The following SYT7 variants were observed in gnomAD, a reference collection of about 807,000 sequenced individuals.
The protein encoded by SYT7 is synaptotagmin 7.
Under a neutral mutation model 75.1 loss-of-function variants are expected in SYT7, and 29 were observed. The ratio of observed to expected loss-of-function variants is 0.39; its 90% CI spans 0.29 to 0.53. The LOEUF (loss-of-function observed/expected upper bound fraction) is 0.53. Among genes scored for constraint, SYT7 ranks in the 20% least tolerant of loss-of-function variants. The pLI, the probability that SYT7 is intolerant of heterozygous loss-of-function variation, is 0.77. For missense variants in SYT7, 693 were observed against 953.2 expected (o/e 0.73, Z 3.59); for synonymous variants, 376 against 401.7 (o/e 0.94, Z 0.76).
intron 2 of SYT7, among the ~76,000 whole-genome samples, chr11:61,554,301 C>A (rs1590912446): frequency 6.6e-6 from 1 of 152,194 alleles, no homozygotes; most frequent in East Asian, 1.9e-4. Context: ...CACACCCACA[C>A]CCACACCCAC....
intron 12 of SYT7, among the ~76,000 whole-genome samples, chr11:61,521,804 C>T (rs1194089688): frequency 6.6e-6 from 1 of 152,226 alleles, no homozygotes; most frequent in Non-Finnish European, 1.5e-5. Flanking sequence ...TCACATACTC[C>T]TGGTCAAACT....
intron 3 of SYT7, among the ~76,000 whole-genome samples, chr11:61,550,034 C>T (rs1053207086): frequency 1.1e-4 from 16 of 152,340 alleles, no homozygotes; most frequent in Admixed American, 3.3e-4. Flanking sequence ...CGCTCCCCCA[C>T]GTGCTCCCTC....
rs762994348 is a variant in SYT7 at position 61,527,903 on chromosome 11, C to A, written c.1471+12G>T. ...AGGTGACCATGGCGGGGGAAGGTGG[C>A]ACTAGACTCACCTTCAAAGAGGAAG... On this transcript the variant is annotated intron_variant, in intron 9 of 12. Coordinates refer to ENST00000539008, the MANE Select transcript of SYT7 (RefSeq NM_001365809.2). 1 of 1,612,612 alleles carries A rather than the reference C, an allele frequency of 6.2e-7. No individual in the cohort carries two copies.
upstream of SYT7, among the ~76,000 whole-genome samples, chr11:61,581,389 C>A (rs1237504286): frequency 2.0e-5 from 3 of 152,012 alleles, no homozygotes; most frequent in African/African-American, 7.2e-5. Context: ...ACCCCCAGCC[C>A]GTGCTCCCCC....
rs1397563171 is a variant in SYT7, at chr11:61,547,181, G to A, written c.343C>T (p.Leu115Phe). The change falls in exon 4 of 13, where the codon CTC becomes TTC. Residue 115 changes from leucine to phenylalanine, a missense_variant. Transcript: ENST00000539008. ...YAPYGDPRLS[L>F]NGTLLSGAKV... is the part of the protein sequence containing the mutation. ...AAACCAGGTAAAGTCACTCACTTGAGGGACAGTCGTGGGTCGCCATAAGGG... is the reference window on the plus strand; with the variant it reads ...AAACCAGGTAAAGTCACTCACTTGAAGGACAGTCGTGGGTCGCCATAAGGG... 1 of 1,535,424 alleles carries A rather than the reference G, an allele frequency of 6.5e-7. No homozygotes were observed. The highest frequency in any genetic ancestry group is 8.7e-7 in the Non-Finnish European group (1 of 1,146,692).
intron 1 of SYT7, among the ~76,000 whole-genome samples, chr11:61,564,881 C>G (rs947113189): frequency 4.6e-5 from 7 of 152,176 alleles, no homozygotes; most frequent in Non-Finnish European, 1.0e-4. Context: ...AGAGTCTCAG[C>G]TGGCCTCAGG....
rs2135478345 is a variant in SYT7 at position 61,580,758 on chromosome 11, G to A, written c.31+32C>T. ...CTGCCGCTGTCCTGCCCGCCGGTGC[G>A]GGGCGCCCCAGCCCGCCGGGGCCGC... On this transcript the variant is annotated intron_variant, in intron 1 of 12. Transcript: ENST00000539008. The surrounding 1 kb of genome is among the most constrained non-coding windows in gnomAD (Gnocchi z 6.1). 2 of 1,230,028 alleles carry A rather than the reference G, an allele frequency of 1.6e-6. No homozygotes were observed. Among genetic ancestry groups the A allele is most frequent in the South Asian group, 3.3e-5 (1 of 30,026 alleles). 76.2% of individuals were successfully genotyped at this position (1,230,028 alleles called of 1,614,324 possible). A position where few individuals can be genotyped will look rare whatever the true frequency, so the allele number is the denominator to read the frequency against.
chr11:61,563,635 A>G (rs1323328483), intron 1 of SYT7, among the ~76,000 whole-genome samples: 1 of 152,164 alleles, frequency 6.6e-6, no homozygotes, highest in Non-Finnish European at 1.5e-5. Flanking sequence ...ACCTAGCCAC[A>G]CTTTCCTCTT....
At chr11:61,586,165 G>A in the SYT7 span, among the ~76,000 whole-genome samples, 1 of 152,290 alleles carries the variant, frequency 6.6e-6, no homozygotes, top group Admixed American at 6.5e-5. Flanking sequence ...TCTTCATCCA[G>A]ATTCTGGCTC....
intron 8 of SYT7, among the ~76,000 whole-genome samples, chr11:61,531,456 C>CT (rs1555003203): frequency 2.0e-5 from 3 of 151,442 alleles, no homozygotes; most frequent in South Asian, 2.1e-4. Context: ...GCCAGTCTTC[C>CT]TGGGGGGGGG....
chr11:61,542,179 TG>T lies in SYT7; in HGVS notation c.941+31del, dbSNP rs1436893663. On this transcript the variant is annotated intron_variant, in intron 6 of 12. Coordinates refer to ENST00000539008, the MANE Select transcript of SYT7 (RefSeq NM_001365809.2). The surrounding 1 kb of genome is among the most constrained non-coding windows in gnomAD (Gnocchi z 7.8). ...GGGGCAGGAGGCTGGGTCAGGGAGG[TG>T]GGGGCCGGCCCGCTCAAGGGGAGGA... is the stretch of plus-strand genomic sequence containing the variant. 33 of 1,521,770 alleles carry T rather than the reference TG, an allele frequency of 2.2e-5. No homozygotes were observed. The highest frequency in any genetic ancestry group is 2.7e-5 in the Non-Finnish European group (31 of 1,140,614). The allele number at this position is 1,521,770 out of a possible 1,614,324, so 94.3% of individuals were successfully genotyped here.
rs560315280 is a variant in SYT7, at chr11:61,542,257, C to T, written c.895G>A (p.Val299Met). 9.1e-6 allele frequency: 14 copies of T among 1,535,264 alleles called. No individual in the cohort carries two copies. The highest frequency in any genetic ancestry group is 5.9e-5 in the Admixed American group (3 of 50,976). ...CCTCGGTTTCGAATCTGCCCCACCA[C>T]GTGGTCCCAGCTGCCTGGGTTGGAG... ...SRSNPGSWDHVVGQIRNRGLD... is the reference protein window; with the variant it reads ...SRSNPGSWDHMVGQIRNRGLD... Residue 299 changes from valine to methionine, a missense_variant, in exon 6 of 13, where the codon GTG becomes ATG. By Grantham distance (21) the Val-to-Met change is conservative (BLOSUM62 1). This residue lies in a region of SYT7 where 487 missense variants were observed against 593.2 expected (regional missense o/e 0.82). Coordinates refer to ENST00000539008, the MANE Select transcript of SYT7 (RefSeq NM_001365809.2). This position sits in a 1 kb window ranked among gnomAD's most constrained non-coding sequence, Gnocchi z 7.8.
chr11:61,562,998 C>T (rs779115371), intron 1 of SYT7, among the ~76,000 whole-genome samples: 1 of 152,100 alleles, frequency 6.6e-6, no homozygotes, highest in Non-Finnish European at 1.5e-5. Context: ...GAGGGGGTGC[C>T]GCAGGAGCAG....
intron 12 of SYT7, among the ~76,000 whole-genome samples, chr11:61,519,890 G>A (rs1348597980): frequency 6.6e-6 from 1 of 152,130 alleles, no homozygotes; most frequent in African/African-American, 2.4e-5. Context: ...GCACGATCTC[G>A]ACTCACTGCA....
At chr11:61,550,306 G>A (rs2063311572) in intron 3 of SYT7, among the ~76,000 whole-genome samples, 1 of 152,050 alleles carries the variant, frequency 6.6e-6, no homozygotes, top group Non-Finnish European at 1.5e-5. Flanking sequence ...GACCTGGGAG[G>A]GAGCCCTCAG....
upstream of SYT7, among the ~76,000 whole-genome samples, chr11:61,583,772 C>T (rs182043619): frequency 2.6e-3 from 400 of 152,306 alleles, 1 homozygote; most frequent in African/African-American, 9.1e-3. Context: ...ACAAGAGAAA[C>T]GCCATGAGAT....
chr11:61,548,750 G>A (rs2063262796), intron 3 of SYT7, among the ~76,000 whole-genome samples: 1 of 152,196 alleles, frequency 6.6e-6, no homozygotes, highest in Non-Finnish European at 1.5e-5. Context: ...CTTGACCTTG[G>A]TTCTCAACCT....
intron 12 of SYT7, among the ~76,000 whole-genome samples, chr11:61,519,048 A>C (rs1027226623): frequency 1.3e-5 from 2 of 152,176 alleles, no homozygotes; most frequent in Non-Finnish European, 2.9e-5. Flanking sequence ...TCCCTGCCCT[A>C]TCTGTTGGGT....
chr11:61,537,047 G>A (rs1041320607), intron 7 of SYT7, among the ~76,000 whole-genome samples: 10 of 152,234 alleles, frequency 6.6e-5, no homozygotes, highest in Non-Finnish European at 1.3e-4. Context: ...AACCCAGAGA[G>A]GGGCTGTGAC....
Sources: allele counts gnomAD v4.1 joint callset (sites outside exome capture counted in the v4.1 genomes callset), GRCh38; gene constraint gnomAD v4.1.1; regional missense constraint gnomAD v4.1.1; non-coding constraint Gnocchi (gnomAD v3.1); transcripts MANE v1.5; gene names NCBI Gene and HGNC (gene_info 2026-07-23, HGNC 2026-07-21).